The following CSMD3 variants were observed in gnomAD, a reference collection of about 807,000 sequenced individuals.
CSMD3 encodes the protein CUB and Sushi multiple domains 3.
Under a neutral mutation model 435.2 loss-of-function variants are expected in CSMD3, and 177 were observed. That is an observed-to-expected ratio of 0.41 (90% confidence interval 0.36 to 0.46). The LOEUF (loss-of-function observed/expected upper bound fraction) is 0.46, where lower values mean the gene tolerates loss of function less well. Ranked by LOEUF, CSMD3 falls within the 20% of genes least tolerant of loss-of-function variation. CSMD3 has a pLI of 0.34. For synonymous variants in CSMD3, 1,656 were observed against 1,520.5 expected (o/e 1.09, Z -2.07); for missense variants, 4,265 against 4,504.6 (o/e 0.95, Z 1.52).
At chr8:113,038,962 T>C (rs1263908609) in intron 5 of CSMD3, among the ~76,000 whole-genome samples, 1 of 152,192 alleles carries the variant, frequency 6.6e-6, no homozygotes, top group Non-Finnish European at 1.5e-5. Context: ...GGAATGAGTC[T>C]CTGTACCATA....
At chr8:112,453,443 A>G (rs1816504692) in intron 32 of CSMD3, among the ~76,000 whole-genome samples, 1 of 152,168 alleles carries the variant, frequency 6.6e-6, no homozygotes, top group Non-Finnish European at 1.5e-5. Context: ...ATGTACAAAA[A>G]TCTGTAGCAT....
At chr8:113,104,156 G>A (rs905994629) in intron 4 of CSMD3, among the ~76,000 whole-genome samples, 1 of 151,970 alleles carries the variant, frequency 6.6e-6, no homozygotes, top group Non-Finnish European at 1.5e-5. Context: ...TTGGGGGTGG[G>A]GTGCAGGAAA....
Position 112,633,744 on chromosome 8 carries a change from A to T in CSMD3, c.3715+3073T>A, listed in dbSNP as rs192416624. Among the ~76,000 whole-genome samples, 4 of 152,188 alleles carry T rather than the reference A, an allele frequency of 2.6e-5. No individual in the cohort carries two copies. In the East Asian group the frequency reaches 7.7e-4, roughly 29 times the overall value. ...AAATATTGAATCAAAATCTATATAA[A>T]TAAAATGTAAAGTAAGTTTCCAAAA... On this transcript the variant is annotated intron_variant, in intron 22 of 70. Coordinates refer to ENST00000297405, the MANE Select transcript of CSMD3 (RefSeq NM_198123.2).
intron 22 of CSMD3, among the ~76,000 whole-genome samples, chr8:112,591,459 T>C (rs563406699): frequency 6.6e-6 from 1 of 152,228 alleles, no homozygotes; most frequent in East Asian, 1.9e-4. Context: ...CATACAGTCA[T>C]ATAGTTTTAG....
intron 61 of CSMD3, 138 bp from the exon 62 acceptor site, chr8:112,255,565 A>C: frequency 1.3e-6 from 1 of 779,238 alleles, no homozygotes; most frequent in Non-Finnish European, 2.1e-6. Context: ...CCAATGAAAA[A>C]ATTTATTTTT....
intron 1 of CSMD3, among the ~76,000 whole-genome samples, chr8:113,362,396 A>G (rs1195195228): frequency 6.6e-6 from 1 of 152,206 alleles, no homozygotes; most frequent in Non-Finnish European, 1.5e-5. Flanking sequence ...AAAAGTAAGT[A>G]TATTACATTT....
chr8:112,994,445 T>C (rs2085569428), intron 6 of CSMD3, among the ~76,000 whole-genome samples: 1 of 151,634 alleles, frequency 6.6e-6, no homozygotes, highest in Non-Finnish European at 1.5e-5. Context: ...AAAGAAGATA[T>C]AAAATGCCCT....
chr8:112,718,192 C>T (rs2076775928), intron 13 of CSMD3, among the ~76,000 whole-genome samples: 1 of 151,936 alleles, frequency 6.6e-6, no homozygotes, highest in African/African-American at 2.4e-5. Context: ...TTTTCATTTC[C>T]TCTAGTTTTG....
chr8:113,410,310 C>T (rs1321489365), intron 1 of CSMD3, among the ~76,000 whole-genome samples: 1 of 152,172 alleles, frequency 6.6e-6, no homozygotes, highest in African/African-American at 2.4e-5. Flanking sequence ...TTCTTATCAC[C>T]TACTATCTCC....
At chr8:112,881,470 C>T (rs1347392179) in intron 10 of CSMD3, among the ~76,000 whole-genome samples, 1 of 152,008 alleles carries the variant, frequency 6.6e-6, no homozygotes, top group Non-Finnish European at 1.5e-5. Flanking sequence ...TCTTACAATC[C>T]TATAAATATG....
intron 2 of CSMD3, chr8:113,312,833 T>C (rs2093879926): frequency 6.6e-6 from 1 of 152,180 alleles, no homozygotes; most frequent in Non-Finnish European, 1.5e-5. Flanking sequence ...TGTATATTTA[T>C]AAAATAGATG....
At chr8:112,848,577 A>G (rs189851904) in intron 11 of CSMD3, among the ~76,000 whole-genome samples, 139 of 152,186 alleles carry the variant, frequency 9.1e-4, no homozygotes, top group Admixed American at 2.9e-3. Flanking sequence ...GGAATAAGGG[A>G]TGGGATGAAA....
rs574917981 is a variant in CSMD3 at position 113,234,015 on chromosome 8, T to A, written c.514+44577A>T. On this transcript the variant is annotated intron_variant, in intron 3 of 70. Coordinates refer to ENST00000297405, the MANE Select transcript of CSMD3 (RefSeq NM_198123.2). ...AAGCTAAGGGAACCTGATACCTTTA[T>A]AATAGGCACAAGCACACATTCCCTT... 1.8e-4 allele frequency among the ~76,000 whole-genome samples: 28 copies of A among 152,244 alleles called. No homozygotes were observed. The South Asian group carries it at 5.6e-3, about 30-fold the overall frequency.
intron 10 of CSMD3, among the ~76,000 whole-genome samples, chr8:112,877,612 A>G (rs1587551094): frequency 6.6e-6 from 1 of 152,272 alleles, no homozygotes; most frequent in East Asian, 1.9e-4. Flanking sequence ...TAGCCAAGAC[A>G]ATCCTCAGCA....
At chr8:112,417,767 T>C (rs111699303) in intron 32 of CSMD3, among the ~76,000 whole-genome samples, 1,725 of 152,214 alleles carry the variant, frequency 0.011, 31 homozygotes, top group African/African-American at 0.04. Context: ...AAGGTGAGAG[T>C]GCATTCTACC....
intron 3 of CSMD3, among the ~76,000 whole-genome samples, chr8:113,233,876 A>G (rs1356653342): frequency 6.6e-6 from 1 of 152,084 alleles, no homozygotes; most frequent in East Asian, 1.9e-4. Context: ...CAGACTTCTG[A>G]GTTAGATAAA....
intron 13 of CSMD3, among the ~76,000 whole-genome samples, chr8:112,754,852 G>A (rs2077653225): frequency 6.6e-6 from 1 of 152,164 alleles, no homozygotes; most frequent in Non-Finnish European, 1.5e-5. Flanking sequence ...TCATATTGGA[G>A]AAATTGATAC....
intron 23 of CSMD3, among the ~76,000 whole-genome samples, chr8:112,581,957 T>C (rs1042682500): frequency 2.0e-5 from 3 of 152,046 alleles, no homozygotes; most frequent in Admixed American, 6.6e-5. Context: ...GAAGAATATG[T>C]AAGCAGAAGA....
chr8:112,410,628 G>GTATATATATGTATATATGTGTA lies in CSMD3; in HGVS notation c.5396-1597_5396-1596insTACACATATATACATATATATA, dbSNP rs1832289157. On this transcript the variant is annotated intron_variant, in intron 32 of 70. Coordinates refer to ENST00000297405, the MANE Select transcript of CSMD3 (RefSeq NM_198123.2). Reference sequence around the variant, plus strand: ...TGTATATATATATGTATATATATGTGTATATATATGTATATATATATGTGT... The same window carrying GTATATATATGTATATATGTGTA: ...TGTATATATATATGTATATATATGTGTATATATATGTATATATGTGTATATATATATGTATATATATATGTGT... 2.4e-4 allele frequency among the ~76,000 whole-genome samples: 17 copies of GTATATATATGTATATATGTGTA among 69,954 alleles called. 1 individual carries two copies. Among genetic ancestry groups the GTATATATATGTATATATGTGTA allele is most frequent in the East Asian group, 1.3e-3 (3 of 2,278 alleles). 45.9% of individuals were successfully genotyped at this position (69,954 alleles called of 152,430 possible).
Sources: gnomAD v4.1 joint callset for allele counts (sites outside exome capture counted in the v4.1 genomes callset) on GRCh38, gnomAD v4.1.1 for gene constraint, MANE v1.5 for transcripts, NCBI Gene and HGNC (gene_info 2026-07-23, HGNC 2026-07-21) for gene names.